TMEM45A: variants seen among roughly 807,000 people sequenced by gnomAD.
The protein encoded by TMEM45A is transmembrane protein 45A.
Under a neutral mutation model 32.0 loss-of-function variants are expected in TMEM45A, and 25 were observed. The ratio of observed to expected loss-of-function variants is 0.78; its 90% CI spans 0.57 to 1.09. The LOEUF is 1.09. Ranked by LOEUF, TMEM45A falls within the 50% of genes least tolerant of loss-of-function variation. TMEM45A has a pLI of 0.00. For synonymous variants in TMEM45A, 122 were observed against 114.8 expected, an observed-to-expected ratio of 1.06 and a Z score of -0.40; for missense variants, 302 against 325.0, an observed-to-expected ratio of 0.93 and a Z score of 0.54.
At chr3:100,522,130 T>C (rs1705447820) in intron 1 of TMEM45A, among the ~76,000 whole-genome samples, 1 of 152,048 alleles carries the variant, frequency 6.6e-6, no homozygotes, top group South Asian at 2.1e-4. Flanking sequence ...GCACTGACAA[T>C]AACAATCCCT....
At chr3:100,558,278 G>A in intron 3 of TMEM45A, 127 bp from the exon 4 acceptor site, 1 of 1,087,352 alleles carries the variant, frequency 9.2e-7, no homozygotes, top group South Asian at 1.5e-5. Context: ...GTGGGAATCA[G>A]TGGGCGCCTG....
intron 1 of TMEM45A, among the ~76,000 whole-genome samples, chr3:100,549,567 G>T (rs190948669): frequency 2.0e-5 from 3 of 152,282 alleles, no homozygotes; most frequent in Non-Finnish European, 2.9e-5. Context: ...GGTTCCAAAG[G>T]GTGTGTTCTC....
intron 1 of TMEM45A, among the ~76,000 whole-genome samples, chr3:100,526,816 G>A (rs1705554267): frequency 6.6e-6 from 1 of 152,176 alleles, no homozygotes; most frequent in East Asian, 1.9e-4. Flanking sequence ...AGTCCCCTAA[G>A]TAATTAAGCA....
intron 1 of TMEM45A, among the ~76,000 whole-genome samples, chr3:100,502,314 T>C (rs1708017855): frequency 6.6e-6 from 1 of 152,188 alleles, no homozygotes; most frequent in African/African-American, 2.4e-5. Context: ...ATCTAATTTT[T>C]TCTTTCTCTC....
At chr3:100,550,211 A>AG (rs1360191486) in intron 1 of TMEM45A, among the ~76,000 whole-genome samples, 76 of 65,066 alleles carry the variant, frequency 1.2e-3, no homozygotes, top group African/African-American at 2.8e-3. Flanking sequence ...AAAAAAAGAA[A>AG]AAAAAATAAA....
At chr3:100,543,765 A>G (rs542407423) in intron 1 of TMEM45A, among the ~76,000 whole-genome samples, 5 of 152,060 alleles carry the variant, frequency 3.3e-5, no homozygotes, top group Non-Finnish European at 5.9e-5. Context: ...TATTTCAAAT[A>G]TTTTTTTCTG....
chr3:100,493,069 C>T (rs544541904), intron 1 of TMEM45A, 141 bp downstream of exon 1: 1 of 151,342 alleles, frequency 6.6e-6, no homozygotes, highest in African/African-American at 2.4e-5. Context: ...CCTTCGCTCC[C>T]TTCTCTTCCG....
At chr3:100,497,121 T>C (rs888228425) in intron 1 of TMEM45A, among the ~76,000 whole-genome samples, 1 of 152,320 alleles carries the variant, frequency 6.6e-6, no homozygotes, top group East Asian at 1.9e-4. Context: ...ATTTGAAAAA[T>C]GTTTTAGGTT....
At chr3:100,576,244 T>C (rs1440222954) in intron 5 of TMEM45A, among the ~76,000 whole-genome samples, 1 of 150,774 alleles carries the variant, frequency 6.6e-6, no homozygotes, top group Non-Finnish European at 1.5e-5. Context: ...AGGTCAGGAG[T>C]TCAAGATCAG....
chr3:100,512,427 C>A (rs1056209317), intron 1 of TMEM45A, among the ~76,000 whole-genome samples: 1 of 151,978 alleles, frequency 6.6e-6, no homozygotes, highest in Non-Finnish European at 1.5e-5. Context: ...TGAAACCAAC[C>A]AGAACAAAGA....
intron 1 of TMEM45A, among the ~76,000 whole-genome samples, chr3:100,546,966 C>T (rs1705990496): frequency 6.6e-6 from 1 of 152,060 alleles, no homozygotes; most frequent in Non-Finnish European, 1.5e-5. Flanking sequence ...ACAGTTGACC[C>T]TTGAACAATG....
chr3:100,516,401 A>G (rs1047731272), intron 1 of TMEM45A, among the ~76,000 whole-genome samples: 1 of 152,130 alleles, frequency 6.6e-6, no homozygotes, highest in African/African-American at 2.4e-5. Flanking sequence ...AATTGATGAA[A>G]CTGCTTCTGT....
At chr3:100,509,349 T>C (rs767476331) in intron 1 of TMEM45A, among the ~76,000 whole-genome samples, 3 of 152,172 alleles carry the variant, frequency 2.0e-5, no homozygotes, top group Non-Finnish European at 4.4e-5. Context: ...TGTAAATTAG[T>C]ATAGCCATTA....
At chr3:100,519,522 T>C (rs957910625) in intron 1 of TMEM45A, 1 of 1,548,168 alleles carries the variant, frequency 6.5e-7, no homozygotes, top group African/African-American at 1.4e-5. Context: ...TTCTTATCTC[T>C]TCTGCCACAG....
chr3:100,514,063 A>T (rs902784435), intron 1 of TMEM45A, among the ~76,000 whole-genome samples: 24 of 152,244 alleles, frequency 1.6e-4, no homozygotes, highest in Non-Finnish European at 2.9e-4. Flanking sequence ...AAGGTAATTT[A>T]TAGATTCAAT....
chr3:100,553,471 G>A (rs1706149482), intron 1 of TMEM45A, among the ~76,000 whole-genome samples: 1 of 152,082 alleles, frequency 6.6e-6, no homozygotes. Flanking sequence ...AAATGTTTAA[G>A]ACTTCTTAAA....
At chr3:100,547,631 G>A (rs1033785705) in intron 1 of TMEM45A, among the ~76,000 whole-genome samples, 2 of 152,076 alleles carry the variant, frequency 1.3e-5, no homozygotes, top group East Asian at 1.9e-4. Flanking sequence ...CTTGGGGGTG[G>A]CAGAGGCAGA....
chr3:100,565,195 AG>A (rs1706406648), intron 4 of TMEM45A, among the ~76,000 whole-genome samples: 1 of 152,124 alleles, frequency 6.6e-6, no homozygotes, highest in Non-Finnish European at 1.5e-5. Context: ...CTTCTTCTTG[AG>A]GTTGTTTCAA....
chr3:100,517,506 G>A (rs1708283735), intron 1 of TMEM45A, among the ~76,000 whole-genome samples: 1 of 152,252 alleles, frequency 6.6e-6, no homozygotes, highest in African/African-American at 2.4e-5. Context: ...ACGTAAGGGT[G>A]TAAGTTCTGT....
Sources: allele counts gnomAD v4.1 joint callset (sites outside exome capture counted in the v4.1 genomes callset), GRCh38; gene constraint gnomAD v4.1.1; transcripts MANE v1.5; gene names NCBI Gene and HGNC (gene_info 2026-07-23, HGNC 2026-07-21).